FBN3: variants seen among roughly 807,000 people sequenced by gnomAD.
The protein encoded by FBN3 is fibrillin 3, also known as fibrillin-3.
In FBN3, 234 loss-of-function variants were observed where a neutral mutation model predicts 330.1. The ratio of observed to expected loss-of-function variants is 0.71; its 90% CI spans 0.64 to 0.79. FBN3 has a LOEUF of 0.79. Among genes scored for constraint, FBN3 ranks in the 30% least tolerant of loss-of-function variants. The pLI is 0.00. For synonymous variants in FBN3, 1,458 were observed against 1,517.3 expected, an observed-to-expected ratio of 0.96 and a Z score of 0.91; for missense variants, 3,606 against 3,886.9, an observed-to-expected ratio of 0.93 and a Z score of 1.92.
Position 8,109,474 on chromosome 19 carries a change from T to C in FBN3, c.4457-86A>G. 1 of 1,559,526 alleles carries C rather than the reference T, an allele frequency of 6.4e-7. No individual in the cohort carries two copies. Among genetic ancestry groups the C allele is most frequent in the Non-Finnish European group, 8.8e-7 (1 of 1,139,470 alleles). On this transcript the variant is annotated intron_variant, in intron 35 of 63. Coordinates refer to ENST00000600128, the MANE Select transcript of FBN3 (RefSeq NM_032447.5). The surrounding 1 kb of genome is among the most constrained non-coding windows in gnomAD (Gnocchi z 5.2). ...GCATGCATGTGTCTATTTCAACAGG[T>C]GACAAGGACAACCACTCTTGCAGGA... is the stretch of plus-strand genomic sequence containing the variant.
rs773602124 is a variant in FBN3, at chr19:8,085,412, G to C, written c.7038C>G (p.Ala2346=). Residue 2346 remains alanine (A), a synonymous_variant, in exon 56 of 64, where the codon GCC becomes GCG. Coordinates refer to ENST00000600128, the MANE Select transcript of FBN3 (RefSeq NM_032447.5). ...AGCCATGGGGGCACAGCTTCCTGTA[G>C]GCAGAGGTGCCGGGCAGGGGACAGA... The part of the protein sequence containing the change: ...CELCPLPGTS[A]YRKLCPHGSG... 30 of 1,578,624 alleles carry C rather than the reference G, an allele frequency of 1.9e-5. No individual in the cohort carries two copies. The South Asian group carries it at 3.3e-4, about 18-fold the overall frequency.
At chr19:8,115,362 C>T (rs2082682252) in intron 30 of FBN3, among the ~76,000 whole-genome samples, 153 bp downstream of exon 30, 1 of 152,186 alleles carries the variant, frequency 6.6e-6, no homozygotes, top group Non-Finnish European at 1.5e-5. Flanking sequence ...CTGTATAGGA[C>T]TCTGTTCTTG....
At chr19:8,142,730 G>A (rs762206716) in intron 6 of FBN3, among the ~76,000 whole-genome samples, 8 of 151,790 alleles carry the variant, frequency 5.3e-5, no homozygotes, top group Non-Finnish European at 8.8e-5. Context: ...AAGGGCAGCC[G>A]CTCCCAAGAG....
rs763675203 is a variant in FBN3 at position 8,109,322 on chromosome 19, G to T, written c.4523C>A (p.Ala1508Asp). 1 of 1,614,176 alleles carries T rather than the reference G, an allele frequency of 6.2e-7. No homozygotes were observed. The highest frequency in any genetic ancestry group is 1.1e-5 in the South Asian group (1 of 91,088). Residue 1508 changes from alanine (A) to aspartate (D), a missense_variant, in exon 36 of 64, where the codon GCC becomes GAC. Ala to Asp is a moderately radical substitution (Grantham distance 126). Transcript: ENST00000600128. This position sits in a 1 kb window ranked among gnomAD's most constrained non-coding sequence, Gnocchi z 5.2. The stretch of plus-strand genomic sequence containing the variant: ...TCGGGTGACACCAACTCCGATCTCG[G>T]CACTGCAGGAAATGCCACTGTCCCC... ...DRGDSGISCS[A>D]EIGVGVTRAS...
chr19:8,119,168 G>T, intron 25 of FBN3, 146 bp from the exon 26 acceptor site: 1 of 908,698 alleles, frequency 1.1e-6, no homozygotes, highest in South Asian at 1.8e-5. Flanking sequence ...CTCCGGGTTG[G>T]GATGACCCAG....
rs1187286214 is a variant in FBN3 at position 8,096,864 on chromosome 19, C to T, written c.5413+17G>A. On this transcript the variant is annotated intron_variant, in intron 43 of 63. Coordinates refer to ENST00000600128, the MANE Select transcript of FBN3 (RefSeq NM_032447.5). The surrounding 1 kb of genome is among the most constrained non-coding windows in gnomAD (Gnocchi z 4.6). ...CAGAGCCCAGCTCCCTCACCTCCTC[C>T]CAGGGACCCTGCTCACCCACACAAG... The T allele has an allele frequency of 1.2e-6, 2 of 1,611,254 alleles. No individual in the cohort carries two copies. The highest frequency in any genetic ancestry group is 2.2e-5 in the East Asian group (1 of 44,882).
chr19:8,069,181 C>T (rs1169823350), intron 63 of FBN3, among the ~76,000 whole-genome samples: 1 of 152,158 alleles, frequency 6.6e-6, no homozygotes, highest in Non-Finnish European at 1.5e-5. Context: ...CTGATAGCTT[C>T]CGCTGTGCTT....
Position 8,123,773 on chromosome 19 carries a change from C to G in FBN3, c.2956+11G>C. The G allele has an allele frequency of 6.2e-7, 1 of 1,612,780 alleles. No homozygotes were observed. Among genetic ancestry groups the G allele is most frequent in the Non-Finnish European group, 8.5e-7 (1 of 1,179,676 alleles). The stretch of plus-strand genomic sequence containing the variant: ...ATCCTTCCAGGGGCCTGACCCCTTC[C>G]CCAACCGCACCTTTATAGAATGGTC... On this transcript the variant is annotated intron_variant, in intron 23 of 63. Transcript: ENST00000600128.
intron 26 of FBN3, among the ~76,000 whole-genome samples, 166 bp from the exon 27 acceptor site, chr19:8,117,755 C>T (rs188300016): frequency 8.5e-4 from 130 of 152,138 alleles, no homozygotes; most frequent in Non-Finnish European, 1.4e-3. Context: ...CATGCAAATA[C>T]ACTCACTCTC....
At position 8,096,158 on chromosome 19, in the gene FBN3, C is replaced by T; in HGVS notation, c.5540-78G>A. The T allele has an allele frequency of 9.2e-7, 1 of 1,088,042 alleles. No individual in the cohort carries two copies. 67.4% of individuals were successfully genotyped at this position (1,088,042 alleles called of 1,614,324 possible). On this transcript the variant is annotated intron_variant, in intron 44 of 63. Transcript: ENST00000600128. The surrounding 1 kb of genome is among the most constrained non-coding windows in gnomAD (Gnocchi z 4.6). ...CTTGGGGAGTGAGAGGCCAGCTGGA[C>T]CTAGCACTCCTCCCCTGCACCTAGC...
At chr19:8,137,537 C>G (rs1042320856) in intron 10 of FBN3, among the ~76,000 whole-genome samples, 2 of 152,178 alleles carry the variant, frequency 1.3e-5, no homozygotes, top group African/African-American at 4.8e-5. Flanking sequence ...CAAGAACCCA[C>G]CCCAGGCCTA....
chr19:8,081,253 G>T, intron 58 of FBN3, 105 bp downstream of exon 58: 1 of 1,487,636 alleles, frequency 6.7e-7, no homozygotes, highest in Non-Finnish European at 9.2e-7. Context: ...TTGACTCCAT[G>T]CAGATGGGAG....
At chr19:8,130,863 G>A (rs1248792405) in intron 16 of FBN3, among the ~76,000 whole-genome samples, 4 of 151,236 alleles carry the variant, frequency 2.6e-5, no homozygotes, top group Non-Finnish European at 4.4e-5. Flanking sequence ...CTCTAAAAAA[G>A]GGTGGGGGGA....
In FBN3 at chr19:8,109,858, G is replaced by T; in HGVS notation, c.4334-105C>A. 1 of 1,270,862 alleles carries T rather than the reference G, an allele frequency of 7.9e-7. No homozygotes were observed. The highest frequency in any genetic ancestry group is 2.7e-5 in the Admixed American group (1 of 36,688). The allele number at this position is 1,270,862 out of a possible 1,614,324, so 78.7% of individuals were successfully genotyped here. On this transcript the variant is annotated intron_variant, in intron 34 of 63. Coordinates refer to ENST00000600128, the MANE Select transcript of FBN3 (RefSeq NM_032447.5). The surrounding 1 kb of genome is among the most constrained non-coding windows in gnomAD (Gnocchi z 5.2). ...CAGCCCTCGCTCAAGGTCAACTCCT[G>T]GGCACCAGATTGTGGGACAATGTCA... is the stretch of plus-strand genomic sequence containing the variant.
At chr19:8,119,256 C>T (rs1214373122) in intron 25 of FBN3, among the ~76,000 whole-genome samples, 3 of 152,292 alleles carry the variant, frequency 2.0e-5, no homozygotes, top group African/African-American at 7.2e-5. Flanking sequence ...ACAAAGGCCA[C>T]GAAGCTGACA....
chr19:8,145,927 TGCAC>T lies in FBN3; in HGVS notation c.357_360del (p.Cys120ValfsTer2). 7 of 1,551,170 alleles carry T rather than the reference TGCAC, an allele frequency of 4.5e-6. No individual in the cohort carries two copies. The highest frequency in any genetic ancestry group is 6.1e-6 in the Non-Finnish European group (7 of 1,146,922). ...GTGCCCCCATTCATACAGCTCACAC[TGCAC>T]CCTGACCCTGGGGACAGGAAGGCAG... On this transcript the variant is annotated frameshift_variant, in exon 5 of 64. Transcript: ENST00000600128. LOFTEE classifies it high-confidence loss of function.
In FBN3 at chr19:8,117,179, C is replaced by G. The variant is rs2082724568; in HGVS notation, c.3576G>C (p.Arg1192Ser). ...GTTGTGCCCACCTACCTGCACATGC[C>G]CTTCCGTCGGGCATCAGCGAGTAGC... ...GQGYSLMPDG[R>S]ACADVDECEE... Residue 1192 changes from arginine to serine, a missense_variant, in exon 28 of 64, where the codon AGG becomes AGC. Arg to Ser is a moderately radical substitution (Grantham distance 110). Coordinates refer to ENST00000600128, the MANE Select transcript of FBN3 (RefSeq NM_032447.5). 2 of 1,613,988 alleles carry G rather than the reference C, an allele frequency of 1.2e-6. No homozygotes were observed. Among genetic ancestry groups the G allele is most frequent in the Non-Finnish European group, 8.5e-7 (1 of 1,180,006 alleles).
At position 8,112,067 on chromosome 19, in the gene FBN3, A is replaced by T. The variant is rs1465062157; in HGVS notation, c.3871T>A (p.Cys1291Ser). ...VDECEVGGHN[C>S]DSHASCLNIP... ...TTGAGACAGGAGGCGTGACTGTCACAGTTGTGTCCTCCAACCTCGCATTCA... is the reference window on the plus strand; with the variant it reads ...TTGAGACAGGAGGCGTGACTGTCACTGTTGTGTCCTCCAACCTCGCATTCA... The change falls in exon 31 of 64, where the codon TGT (cysteine) becomes AGT (serine). Residue 1291 changes from cysteine to serine, a missense_variant. Transcript: ENST00000600128. The T allele has an allele frequency of 1.2e-6, 2 of 1,613,506 alleles. No homozygotes were observed. The highest frequency in any genetic ancestry group is 3.3e-5 in the Admixed American group (2 of 59,938).
At position 8,121,324 on chromosome 19, in the gene FBN3, C is replaced by T; in HGVS notation, c.3145G>A (p.Gly1049Ser). Residue 1049 changes from glycine to serine, a missense_variant, in exon 25 of 64, where the codon GGC becomes AGC. By Grantham distance (56) the Gly-to-Ser change is moderately conservative (BLOSUM62 0). Transcript: ENST00000600128. The surrounding 1 kb of genome is among the most constrained non-coding windows in gnomAD (Gnocchi z 4.5). ...CGQGTCVNTPGSFECECFPGY... is the reference protein window; with the variant it reads ...CGQGTCVNTPSSFECECFPGY... ...GGAAAACACTCGCACTCAAAGCTGC[C>T]CGGCGTGTTGACACAGGTGCCCTGG... 2 of 1,613,492 alleles carry T rather than the reference C, an allele frequency of 1.2e-6. No homozygotes were observed. The highest frequency in any genetic ancestry group is 1.7e-6 in the Non-Finnish European group (2 of 1,179,698).
Sources: gnomAD v4.1 joint callset for allele counts (sites outside exome capture counted in the v4.1 genomes callset) on GRCh38, gnomAD v4.1.1 for gene constraint, Gnocchi (gnomAD v3.1) non-coding constraint, MANE v1.5 for transcripts, NCBI Gene and HGNC (gene_info 2026-07-23, HGNC 2026-07-21) for gene names.